Variants in MTMR3 observed in about 807,000 individuals in gnomAD.
MTMR3 encodes the protein myotubularin related protein 3, also known as phosphatidylinositol-3,5-bisphosphate 3-phosphatase MTMR3.
MTMR3 carries 32 observed loss-of-function variants against 132.4 expected under a neutral mutation model. The ratio of observed to expected loss-of-function variants is 0.24; its 90% CI spans 0.18 to 0.32. The LOEUF (loss-of-function observed/expected upper bound fraction) is 0.32, where lower values mean the gene tolerates loss of function less well. Ranked by LOEUF, MTMR3 falls within the 10% of genes least tolerant of loss-of-function variation. MTMR3 has a pLI of 1.00. For missense variants in MTMR3, 1,216 were observed against 1,489.6 expected (o/e 0.82, Z 3.02); for synonymous variants, 556 against 550.3 (o/e 1.01, Z -0.14).
chr22:29,914,044 C>T (rs1322521993), intron 1 of MTMR3, among the ~76,000 whole-genome samples: 1 of 152,198 alleles, frequency 6.6e-6, no homozygotes, highest in African/African-American at 2.4e-5. Context: ...GCCACCACGC[C>T]CGGCCCAGTT....
At chr22:29,950,849 T>C (rs1464544933) in intron 1 of MTMR3, among the ~76,000 whole-genome samples, 2 of 137,256 alleles carry the variant, frequency 1.5e-5, no homozygotes, top group Non-Finnish European at 3.5e-5. Context: ...TATCAGTATA[T>C]CTGAGTTAAA....
At chr22:29,958,495 C>T (rs1303348982) in intron 2 of MTMR3, among the ~76,000 whole-genome samples, 2 of 152,132 alleles carry the variant, frequency 1.3e-5, no homozygotes, top group Non-Finnish European at 2.9e-5. Flanking sequence ...ACCGACCTAC[C>T]TCCTGTCTCT....
At position 29,988,302 on chromosome 22, in the gene MTMR3, G is replaced by A. The variant is rs557077354; in HGVS notation, c.211-178G>A. The A allele has an allele frequency of 3.4e-4, 138 of 407,810 alleles. 1 individual carries two copies. The highest frequency in any genetic ancestry group is 2.6e-3 in the South Asian group (53 of 20,578). 25.3% of individuals were successfully genotyped at this position (407,810 alleles called of 1,614,324 possible). On this transcript the variant is annotated intron_variant, in intron 5 of 19. Transcript: ENST00000401950. ...GAGACCACTGATTTAGAGATAAAGG[G>A]AAGTCCTAATTCACTTTGTAGTAAA...
intron 1 of MTMR3, among the ~76,000 whole-genome samples, chr22:29,918,485 T>C (rs371282425): frequency 6.6e-6 from 1 of 152,228 alleles, no homozygotes; most frequent in Admixed American, 6.5e-5. Context: ...TTTGCCGTTT[T>C]CCTTTGTGAG....
intron 2 of MTMR3, 44 bp from the exon 3 acceptor site, chr22:29,970,931 TC>T: frequency 1.2e-6 from 1 of 837,534 alleles, no homozygotes; most frequent in Non-Finnish European, 1.7e-6. Flanking sequence ...TTGCCTCCCC[TC>T]CTCTTTTTTT....
intron 9 of MTMR3, chr22:30,003,313 C>T (rs2067212213): frequency 5.2e-6 from 1 of 191,464 alleles, no homozygotes; most frequent in Non-Finnish European, 1.1e-5. Context: ...CAGCTGTTAG[C>T]AGGGCTTTTG....
intron 1 of MTMR3, among the ~76,000 whole-genome samples, chr22:29,937,037 C>T (rs1303055517): frequency 6.6e-6 from 1 of 151,882 alleles, no homozygotes; most frequent in Non-Finnish European, 1.5e-5. Context: ...GTCAAGCACC[C>T]CCCTTCTACA....
At chr22:29,967,450 T>G (rs1012117497) in intron 2 of MTMR3, among the ~76,000 whole-genome samples, 6 of 151,578 alleles carry the variant, frequency 4.0e-5, no homozygotes, top group African/African-American at 1.5e-4. Flanking sequence ...CAGGCTGGCG[T>G]TGAACTCTGG....
chr22:29,966,090 CT>C (rs1207852637), intron 2 of MTMR3, among the ~76,000 whole-genome samples: 2 of 152,182 alleles, frequency 1.3e-5, no homozygotes, highest in Non-Finnish European at 2.9e-5. Context: ...ACTTATCTCA[CT>C]GGTCTTCAAA....
chr22:29,955,760 T>C (rs1602559337), intron 1 of MTMR3, among the ~76,000 whole-genome samples: 1 of 152,210 alleles, frequency 6.6e-6, no homozygotes, highest in Non-Finnish European at 1.5e-5. Context: ...TTTTTTTTCT[T>C]TTCTTTTTTG....
At chr22:29,925,230 A>T (rs1204658894) in intron 1 of MTMR3, among the ~76,000 whole-genome samples, 1 of 152,058 alleles carries the variant, frequency 6.6e-6, no homozygotes, top group Non-Finnish European at 1.5e-5. Flanking sequence ...ATGGAGTCTG[A>T]CTATGTTAGT....
In MTMR3 at chr22:30,013,436, G is replaced by A. The variant is rs763868386; in HGVS notation, c.1398G>A (p.Ser466=). 8 of 1,614,154 alleles carry A rather than the reference G, an allele frequency of 5.0e-6. No individual in the cohort carries two copies. The highest frequency in any genetic ancestry group is 2.2e-5 in the East Asian group (1 of 44,884). Residue 466 remains serine, a synonymous_variant, in exon 14 of 20, where the codon TCG becomes TCA. Transcript: ENST00000401950. ...ACCGGTGTGGTCATGGGGAGAACTC[G>A]GATGATCTGAATGAACGTTGCCCAG... is the stretch of plus-strand genomic sequence containing the variant. ...FADRCGHGEN[S]DDLNERCPVF...
At chr22:30,003,281 G>A in intron 9 of MTMR3, 1 of 251,580 alleles carries the variant, frequency 4.0e-6, no homozygotes, top group East Asian at 7.6e-5. Context: ...AGAAGATAAT[G>A]TGCTTACTAA....
At chr22:29,930,378 T>C (rs2065617357) in intron 1 of MTMR3, among the ~76,000 whole-genome samples, 1 of 152,336 alleles carries the variant, frequency 6.6e-6, no homozygotes, top group Non-Finnish European at 1.5e-5. Context: ...ATCTTTTATG[T>C]AGACTTCCAA....
intron 1 of MTMR3, among the ~76,000 whole-genome samples, chr22:29,897,387 T>G (rs1262803317): frequency 1.3e-5 from 2 of 152,126 alleles, no homozygotes; most frequent in Non-Finnish European, 2.9e-5. Flanking sequence ...TTCAGTAGAT[T>G]TAATAGATGC....
At chr22:29,894,316 A>G (rs2064852858) in intron 1 of MTMR3, among the ~76,000 whole-genome samples, 1 of 152,196 alleles carries the variant, frequency 6.6e-6, no homozygotes, top group South Asian at 2.1e-4. Flanking sequence ...GAACTTTATC[A>G]TTGTGAACTC....
chr22:29,973,477 G>A (rs935487689), intron 3 of MTMR3, among the ~76,000 whole-genome samples: 1 of 152,090 alleles, frequency 6.6e-6, no homozygotes, highest in Non-Finnish European at 1.5e-5. Flanking sequence ...CCAGTCTTAC[G>A]AATATGACTG....
At chr22:30,017,825 T>C in intron 15 of MTMR3, 102 bp from the exon 16 acceptor site, 1 of 1,429,674 alleles carries the variant, frequency 7.0e-7, no homozygotes, top group East Asian at 2.3e-5. Flanking sequence ...CTGTCAGCCC[T>C]GTTGGGTATT....
At chr22:29,911,444 G>A (rs1450092061) in intron 1 of MTMR3, among the ~76,000 whole-genome samples, 1 of 152,116 alleles carries the variant, frequency 6.6e-6, no homozygotes, top group Non-Finnish European at 1.5e-5. Flanking sequence ...TTGGGATGCT[G>A]ACATGGGAGG....
Sources: gnomAD v4.1 joint callset for allele counts (sites outside exome capture counted in the v4.1 genomes callset) on GRCh38, gnomAD v4.1.1 for gene constraint, MANE v1.5 for transcripts, NCBI Gene and HGNC (gene_info 2026-07-23, HGNC 2026-07-21) for gene names.